Variants in ELOVL6 observed in about 807,000 individuals in gnomAD.
The protein encoded by ELOVL6 is very long chain fatty acid elongase 6.
In ELOVL6, 8 loss-of-function variants were observed where a neutral mutation model predicts 31.7. The observed-to-expected ratio is 0.25, with a 90% confidence interval of 0.15 to 0.45. The LOEUF is 0.45. Among genes scored for constraint, ELOVL6 ranks in the 20% least tolerant of loss-of-function variants. The pLI, the probability that ELOVL6 is intolerant of heterozygous loss-of-function variation, is 1.00. For synonymous variants in ELOVL6, 101 were observed against 117.7 expected (o/e 0.86, Z 0.92); for missense variants, 126 against 326.4 (o/e 0.39, Z 4.73).
chr4:110,127,406 CAAAAAAAAAAAA>C (rs572027886), intron 1 of ELOVL6, among the ~76,000 whole-genome samples: 1 of 85,516 alleles, frequency 1.2e-5, no homozygotes, highest in Non-Finnish European at 2.1e-5. Flanking sequence ...GATTCCGTCT[CAAAAAAAAAAAA>C]AAAAAAAGAA....
chr4:110,168,848 T>C (rs546410684), intron 1 of ELOVL6, among the ~76,000 whole-genome samples: 14 of 152,172 alleles, frequency 9.2e-5, no homozygotes, highest in Non-Finnish European at 1.6e-4. Flanking sequence ...CAAAGCCTAC[T>C]TCATAAAATG....
intron 1 of ELOVL6, among the ~76,000 whole-genome samples, chr4:110,142,305 A>C (rs1397591636): frequency 6.6e-6 from 1 of 151,768 alleles, no homozygotes; most frequent in Non-Finnish European, 1.5e-5. Context: ...TTGGCCTCCT[A>C]AAGTGCTGGG....
At chr4:110,155,367 C>T (rs1056742149) in intron 1 of ELOVL6, among the ~76,000 whole-genome samples, 2 of 151,586 alleles carry the variant, frequency 1.3e-5, no homozygotes, top group African/African-American at 4.8e-5. Context: ...AGGGATAGCC[C>T]TAGAGACTGA....
intron 1 of ELOVL6, among the ~76,000 whole-genome samples, chr4:110,154,379 C>T (rs1051908087): frequency 6.6e-6 from 1 of 152,260 alleles, no homozygotes; most frequent in East Asian, 1.9e-4. Flanking sequence ...CCTCAGCCTC[C>T]GAGCAGCTGG....
intron 2 of ELOVL6, among the ~76,000 whole-genome samples, chr4:110,064,568 A>C (rs945125161): frequency 6.6e-6 from 1 of 152,098 alleles, no homozygotes. Context: ...GACTCAAGTG[A>C]TCCTCCTGCC....
At chr4:110,108,683 C>T (rs191522470) in intron 1 of ELOVL6, among the ~76,000 whole-genome samples, 9 of 152,334 alleles carry the variant, frequency 5.9e-5, no homozygotes, top group African/African-American at 2.2e-4. Context: ...CTACACTGGT[C>T]AAGACTATCC....
intron 2 of ELOVL6, among the ~76,000 whole-genome samples, chr4:110,094,430 T>A (rs1578476351): frequency 3.4e-5 from 2 of 58,258 alleles, no homozygotes; most frequent in African/African-American, 1.7e-4. Context: ...TATATATATA[T>A]ATATATATAT....
At chr4:110,141,211 G>A in intron 1 of ELOVL6, among the ~76,000 whole-genome samples, 1 of 152,040 alleles carries the variant, frequency 6.6e-6, no homozygotes, top group Non-Finnish European at 1.5e-5. Context: ...CTACAGGCAT[G>A]AGCCACCACA....
At chr4:110,172,144 G>T (rs994376062) in intron 1 of ELOVL6, among the ~76,000 whole-genome samples, 1 of 152,196 alleles carries the variant, frequency 6.6e-6, no homozygotes, top group African/African-American at 2.4e-5. Flanking sequence ...TCTTGGCTGG[G>T]GAGAGCAGGT....
chr4:110,111,397 A>T (rs1578488390), intron 1 of ELOVL6, among the ~76,000 whole-genome samples: 1 of 145,514 alleles, frequency 6.9e-6, no homozygotes. Flanking sequence ...GTTGACATCC[A>T]CCCATCCATT....
At chr4:110,061,837 A>G (rs1755152466) in intron 2 of ELOVL6, among the ~76,000 whole-genome samples, 1 of 152,050 alleles carries the variant, frequency 6.6e-6, no homozygotes, top group African/African-American at 2.4e-5. Flanking sequence ...GTATAGCCCA[A>G]AACCCTTCCT....
At chr4:110,180,094 T>A (rs1200058675) in intron 1 of ELOVL6, among the ~76,000 whole-genome samples, 1 of 152,246 alleles carries the variant, frequency 6.6e-6, no homozygotes, top group Non-Finnish European at 1.5e-5. Context: ...ATCCATGGTA[T>A]AATTCTCAAA....
intron 1 of ELOVL6, among the ~76,000 whole-genome samples, chr4:110,129,984 G>C (rs1417192682): frequency 7.3e-6 from 1 of 137,456 alleles, no homozygotes; most frequent in African/African-American, 2.8e-5. Flanking sequence ...TGCAGCCTCT[G>C]CCTCCCGGGT....
chr4:110,148,509 T>A lies in ELOVL6; in HGVS notation c.90-42881A>T, dbSNP rs200697729. Among the ~76,000 whole-genome samples the A allele has an allele frequency of 6.2e-5, 9 of 144,566 alleles. No individual in the cohort carries two copies. In the East Asian group the frequency reaches 1.9e-3, roughly 30 times the overall value. The allele number at this position is 144,566 out of a possible 152,430, so 94.8% of individuals were successfully genotyped here. ...GGGTTGTGCGGGGGAGGGGGGGAGG[T>A]AGGAATGGTTAATGGGCACATACGT... On this transcript the variant is annotated intron_variant, in intron 1 of 3. Transcript: ENST00000302274.
rs185836589 is a variant in ELOVL6 at position 110,053,310 on chromosome 4, C to T, written c.374-1548G>A. 3.2e-3 allele frequency among the ~76,000 whole-genome samples: 483 copies of T among 152,288 alleles called. 1 individual carries two copies. Among genetic ancestry groups the T allele is most frequent in the Non-Finnish European group, 2.4e-3 (165 of 68,018 alleles). On this transcript the variant is annotated intron_variant, in intron 3 of 3. Coordinates refer to ENST00000302274, the MANE Select transcript of ELOVL6 (RefSeq NM_024090.3). Reference sequence around the variant, plus strand: ...ACTAGTACTTATTCCTACCTTATCCCTCATGTACTTCACAGATGGCCTAAA... The same window carrying T: ...ACTAGTACTTATTCCTACCTTATCCTTCATGTACTTCACAGATGGCCTAAA...
intron 2 of ELOVL6, among the ~76,000 whole-genome samples, chr4:110,097,305 CA>C (rs33970271): frequency 0.19 from 17,093 of 88,566 alleles, 1,047 homozygotes; most frequent in Middle Eastern, 0.24. Context: ...ACTCCATCTC[CA>C]AAAAAAAAAA....
intron 2 of ELOVL6, among the ~76,000 whole-genome samples, chr4:110,090,849 C>T (rs769243934): frequency 5.9e-5 from 9 of 151,984 alleles, no homozygotes; most frequent in East Asian, 1.9e-4. Context: ...GCGATCCACC[C>T]GCCTCGGCCT....
At chr4:110,084,469 TAAC>T (rs1166352196) in intron 2 of ELOVL6, among the ~76,000 whole-genome samples, 11 of 118,858 alleles carry the variant, frequency 9.3e-5, no homozygotes, top group South Asian at 2.5e-4. Flanking sequence ...ATATGATATA[TAAC>T]AATATACACT....
chr4:110,144,650 A>G (rs1242300856), intron 1 of ELOVL6, among the ~76,000 whole-genome samples: 3 of 152,172 alleles, frequency 2.0e-5, no homozygotes, highest in African/African-American at 7.2e-5. Context: ...GACAGACGGC[A>G]TCATAAGCCA....
Sources: allele counts gnomAD v4.1 joint callset (sites outside exome capture counted in the v4.1 genomes callset), GRCh38; gene constraint gnomAD v4.1.1; transcripts MANE v1.5; gene names NCBI Gene and HGNC (gene_info 2026-07-23, HGNC 2026-07-21).